The following LMBRD1 variants were observed in gnomAD, a reference collection of about 807,000 sequenced individuals.
LMBRD1 encodes the protein LMBR1 domain containing 1.
LMBRD1 carries 64 observed loss-of-function variants against 74.8 expected under a neutral mutation model. The ratio of observed to expected loss-of-function variants is 0.86; its 90% CI spans 0.70 to 1.05. LMBRD1 has a LOEUF of 1.05. Among genes scored for constraint, LMBRD1 ranks in the 50% least tolerant of loss-of-function variants. The pLI, the probability that LMBRD1 is intolerant of heterozygous loss-of-function variation, is 0.00. For missense variants in LMBRD1, 652 were observed against 645.9 expected, an observed-to-expected ratio of 1.01 and a Z score of -0.10; for synonymous variants, 204 against 216.3, an observed-to-expected ratio of 0.94 and a Z score of 0.50.
intron 14 of LMBRD1, among the ~76,000 whole-genome samples, chr6:69,690,075 TA>T (rs1477750708): frequency 7.2e-6 from 1 of 139,262 alleles, no homozygotes; most frequent in Non-Finnish European, 1.6e-5. Flanking sequence ...TTTTTTTTTT[TA>T]AACTAGTTCT....
chr6:69,744,467 C>G (rs2149872926), intron 5 of LMBRD1, among the ~76,000 whole-genome samples: 1 of 152,200 alleles, frequency 6.6e-6, no homozygotes, highest in Admixed American at 6.5e-5. Context: ...TTGAAAATAA[C>G]AAAACTAAAA....
chr6:69,738,289 G>A (rs1452754795), intron 6 of LMBRD1, among the ~76,000 whole-genome samples: 3 of 151,810 alleles, frequency 2.0e-5, no homozygotes, highest in East Asian at 3.9e-4. Flanking sequence ...TAATTATTGG[G>A]CCCAAAAAGA....
intron 11 of LMBRD1, among the ~76,000 whole-genome samples, chr6:69,701,075 C>G (rs951233085): frequency 1.2e-4 from 18 of 151,456 alleles, no homozygotes; most frequent in African/African-American, 4.1e-4. Flanking sequence ...ATACCATTAT[C>G]TTAAGAAAAA....
chr6:69,680,797 T>C (rs963182564), intron 14 of LMBRD1, among the ~76,000 whole-genome samples: 4 of 152,080 alleles, frequency 2.6e-5, no homozygotes, highest in African/African-American at 7.2e-5. Context: ...ATAAGATGCA[T>C]GCATATATTT....
At chr6:69,745,666 T>TAAA (rs1767209757) in intron 5 of LMBRD1, among the ~76,000 whole-genome samples, 1 of 152,148 alleles carries the variant, frequency 6.6e-6, no homozygotes, top group East Asian at 1.9e-4. Flanking sequence ...TACCCTTCCT[T>TAAA]TTTTGAGGGG....
intron 5 of LMBRD1, chr6:69,746,670 A>G (rs571164695): frequency 6.6e-6 from 1 of 152,504 alleles, no homozygotes; most frequent in South Asian, 2.1e-4. Context: ...ATTCTGGACT[A>G]CACTGAGCAA....
In LMBRD1 at chr6:69,790,436, A is replaced by G. The variant is rs201190381; in HGVS notation, c.106T>C (p.Tyr36His). Residue 36 changes from tyrosine to histidine, a missense_variant, in exon 2 of 16, where the codon TAC becomes CAC. Coordinates refer to ENST00000649934, the MANE Select transcript of LMBRD1 (RefSeq NM_018368.4). ...LAFCWIYVRKYQSRRESEVVS... is the reference protein window; with the variant it reads ...LAFCWIYVRKHQSRRESEVVS... ...ACTTCACTTTCCCGCCGACTTTGGT[A>G]TTTACGAACATATATCCAGCAGAAT... 5 of 1,614,062 alleles carry G rather than the reference A, an allele frequency of 3.1e-6. No individual in the cohort carries two copies. Among genetic ancestry groups the G allele is most frequent in the Non-Finnish European group, 4.2e-6 (5 of 1,179,950 alleles).
intron 5 of LMBRD1, among the ~76,000 whole-genome samples, chr6:69,748,125 G>C (rs1038961231): frequency 2.0e-5 from 3 of 152,120 alleles, no homozygotes; most frequent in Admixed American, 6.5e-5. Context: ...AGTTTTCCTA[G>C]AACACAGTCA....
intron 14 of LMBRD1, among the ~76,000 whole-genome samples, chr6:69,693,128 C>T (rs576005501): frequency 9.9e-5 from 15 of 152,174 alleles, no homozygotes; most frequent in African/African-American, 3.6e-4. Flanking sequence ...TCCTAATTTG[C>T]TCAGTTGACT....
At chr6:69,755,084 A>G (rs1275548851) in intron 3 of LMBRD1, among the ~76,000 whole-genome samples, 1 of 152,216 alleles carries the variant, frequency 6.6e-6, no homozygotes, top group Non-Finnish European at 1.5e-5. Flanking sequence ...TACTGAGTAT[A>G]TACCCAAAGG....
chr6:69,709,372 C>T (rs969124809), intron 9 of LMBRD1, among the ~76,000 whole-genome samples: 1 of 152,118 alleles, frequency 6.6e-6, no homozygotes, highest in Non-Finnish European at 1.5e-5. Flanking sequence ...GTGTTTATCT[C>T]CTCATAATAC....
Position 69,796,864 on chromosome 6 carries a change from C to A in LMBRD1, c.18G>T (p.Ala6=), listed in dbSNP as rs149650795. Residue 6 remains alanine (A), a synonymous_variant, in exon 1 of 16, where the codon GCG becomes GCT. Coordinates refer to ENST00000649934, the MANE Select transcript of LMBRD1 (RefSeq NM_018368.4). Reference sequence around the variant, plus strand: ...AGCCGATCACCAGCTCCGCCGAGGCCGCGCCAGAAGTCGCCATCTTCGCTT... The same window carrying A: ...AGCCGATCACCAGCTCCGCCGAGGCAGCGCCAGAAGTCGCCATCTTCGCTT... The part of the protein sequence containing the change: MATSG[A]ASAELVIGWC... 3 of 1,614,108 alleles carry A rather than the reference C, an allele frequency of 1.9e-6. No homozygotes were observed. The highest frequency in any genetic ancestry group is 2.5e-6 in the Non-Finnish European group (3 of 1,180,024).
intron 3 of LMBRD1, among the ~76,000 whole-genome samples, chr6:69,755,000 A>C (rs1015977218): frequency 1.3e-5 from 2 of 152,234 alleles, no homozygotes; most frequent in Non-Finnish European, 2.9e-5. Flanking sequence ...AATTAGTTCA[A>C]CCATTGTGGA....
chr6:69,744,775 A>T (rs763828706), intron 5 of LMBRD1, among the ~76,000 whole-genome samples: 1 of 151,850 alleles, frequency 6.6e-6, no homozygotes, highest in African/African-American at 2.4e-5. Context: ...CTTCCTACCT[A>T]CTATTTACAT....
intron 9 of LMBRD1, among the ~76,000 whole-genome samples, chr6:69,709,845 G>A (rs1291091037): frequency 6.6e-6 from 1 of 152,084 alleles, no homozygotes; most frequent in African/African-American, 2.4e-5. Context: ...ATATTTTTAA[G>A]ACCTCTACTT....
At chr6:69,704,915 T>TTTC (rs1766217470) in intron 9 of LMBRD1, among the ~76,000 whole-genome samples, 1 of 151,730 alleles carries the variant, frequency 6.6e-6, no homozygotes, top group African/African-American at 2.4e-5. Context: ...TTGTTTTTTT[T>TTTC]TTTTCCACTT....
At chr6:69,692,148 T>G (rs1227573587) in intron 14 of LMBRD1, among the ~76,000 whole-genome samples, 1 of 152,194 alleles carries the variant, frequency 6.6e-6, no homozygotes, top group Non-Finnish European at 1.5e-5. Flanking sequence ...TTATAATTCA[T>G]GTAGTTTGGT....
chr6:69,721,015 T>A (rs1269257782), intron 7 of LMBRD1, among the ~76,000 whole-genome samples: 1 of 152,182 alleles, frequency 6.6e-6, no homozygotes, highest in East Asian at 1.9e-4. Context: ...CATACTGGGC[T>A]CAGCTAGTGC....
At chr6:69,771,499 G>A (rs1315625003) in intron 3 of LMBRD1, among the ~76,000 whole-genome samples, 9 of 152,114 alleles carry the variant, frequency 5.9e-5, no homozygotes, top group South Asian at 4.1e-4. Context: ...TTTGGCAGAC[G>A]CAAATCTCTA....
Sources: gnomAD v4.1 joint callset for allele counts (sites outside exome capture counted in the v4.1 genomes callset) on GRCh38, gnomAD v4.1.1 for gene constraint, MANE v1.5 for transcripts, NCBI Gene and HGNC (gene_info 2026-07-23, HGNC 2026-07-21) for gene names.